Variants in ZSCAN25 observed in about 807,000 individuals in gnomAD.
ZSCAN25 encodes the protein zinc finger and SCAN domain-containing protein 25.
Under a neutral mutation model 38.7 loss-of-function variants are expected in ZSCAN25, and 27 were observed. The ratio of observed to expected loss-of-function variants is 0.70; its 90% CI spans 0.51 to 0.96. The LOEUF is 0.96. Among genes scored for constraint, ZSCAN25 ranks in the 40% least tolerant of loss-of-function variants. ZSCAN25 has a pLI of 0.00. For synonymous variants in ZSCAN25, 273 were observed against 277.7 expected (o/e 0.98, Z 0.17); for missense variants, 637 against 705.9 (o/e 0.90, Z 1.11).
At chr7:99,711,492 G>A in the ZSCAN25 span, among the ~76,000 whole-genome samples, 5 of 152,148 alleles carry the variant, frequency 3.3e-5, no homozygotes, top group Non-Finnish European at 7.4e-5. Context: ...GCAAAGGCTG[G>A]GCATGGTGGC....
the ZSCAN25 span, chr7:99,650,121 T>A: frequency 6.2e-7 from 1 of 1,614,180 alleles, no homozygotes; most frequent in South Asian, 1.1e-5. Context: ...GGACTCTGAT[T>A]AGAGCAAGTT....
chr7:99,707,750 T>A, the ZSCAN25 span: 1 of 1,600,992 alleles, frequency 6.2e-7, no homozygotes, highest in East Asian at 2.3e-5. Context: ...TTTTTAAATA[T>A]ATAGACCATT....
the ZSCAN25 span, chr7:99,676,473 C>T: frequency 8.5e-6 from 12 of 1,418,450 alleles, no homozygotes; most frequent in Non-Finnish European, 1.1e-5. Flanking sequence ...TGATAAATGT[C>T]CTCAAATGCT....
the ZSCAN25 span, among the ~76,000 whole-genome samples, chr7:99,642,365 A>T: frequency 4.6e-5 from 7 of 152,314 alleles, no homozygotes; most frequent in African/African-American, 1.7e-4. Flanking sequence ...AACCTCCACC[A>T]CATTGACAGG....
At chr7:99,622,463 A>C (rs1384040122) in intron 5 of ZSCAN25, 86 bp from the exon 6 acceptor site, 5 of 1,242,312 alleles carry the variant, frequency 4.0e-6, no homozygotes, top group African/African-American at 1.5e-5. Flanking sequence ...GGTTGTGAGC[A>C]TCTGGTAGGG....
rs140050111 is a variant in ZSCAN25 at position 99,619,985 on chromosome 7, G to A, written c.379G>A (p.Ala127Thr). The A allele has an allele frequency of 3.1e-6, 5 of 1,611,982 alleles. No individual in the cohort carries two copies. The African/African-American group carries it at 4.0e-5, about 13-fold the overall frequency. The change falls in exon 4 of 8, where the codon GCC becomes ACC. Residue 127 changes from alanine to threonine, a missense_variant. Physicochemically the swap from Ala to Thr is moderately conservative, Grantham distance 58. Coordinates refer to ENST00000394152, the MANE Select transcript of ZSCAN25 (RefSeq NM_145115.3). ...VEDLTERALEAKAVPCHRQGE... is the reference protein window; with the variant it reads ...VEDLTERALETKAVPCHRQGE... ...GGACCTGACAGAAAGAGCACTGGAG[G>A]CCAAGGCGGTGGGTGAGGAGGGGAT...
the ZSCAN25 span, among the ~76,000 whole-genome samples, chr7:99,664,728 A>G: frequency 1.4e-4 from 22 of 152,202 alleles, no homozygotes; most frequent in African/African-American, 5.3e-4. Context: ...AAAGAAGAAA[A>G]TATCTCAAAT....
chr7:99,677,845 T>A, the ZSCAN25 span, among the ~76,000 whole-genome samples: 5 of 152,288 alleles, frequency 3.3e-5, no homozygotes, highest in African/African-American at 9.6e-5. Context: ...TTACCTGACC[T>A]CTCAGGTGAG....
the ZSCAN25 span, among the ~76,000 whole-genome samples, chr7:99,695,252 A>G: frequency 2.6e-5 from 4 of 152,312 alleles, no homozygotes; most frequent in East Asian, 1.9e-4. Context: ...GAATGACCCA[A>G]TGGTAAATAC....
the ZSCAN25 span, chr7:99,685,154 C>T: frequency 3.6e-5 from 57 of 1,604,606 alleles, no homozygotes; most frequent in Admixed American, 3.3e-4. Flanking sequence ...GTTCCACTTA[C>T]GGTCCCATCC....
chr7:99,631,798 G>A lies in ZSCAN25; in HGVS notation c.*1778G>A. 5.1e-6 allele frequency: 5 copies of A among 985,394 alleles called. No individual in the cohort carries two copies. The highest frequency in any genetic ancestry group is 6.0e-6 in the Non-Finnish European group (5 of 829,932). 61.0% of individuals were successfully genotyped at this position (985,394 alleles called of 1,614,324 possible). On this transcript the variant is annotated 3_prime_UTR_variant, in exon 8 of 8. Transcript: ENST00000394152. ...TTCCTGGCTCATTAGCTGTGCCCACGAGGCTGCACTGACTGGGTCGTAAAT... is the reference window on the plus strand; with the variant it reads ...TTCCTGGCTCATTAGCTGTGCCCACAAGGCTGCACTGACTGGGTCGTAAAT...
the ZSCAN25 span, among the ~76,000 whole-genome samples, chr7:99,662,082 CAGAT>C: frequency 4.6e-5 from 7 of 152,136 alleles, no homozygotes; most frequent in Non-Finnish European, 7.3e-5. The surrounding 1 kb of genome is among the most constrained non-coding windows in gnomAD (Gnocchi z 4.3). Context: ...AGATGATTGA[CAGAT>C]AGATAGACAG....
rs912669813 is a variant in ZSCAN25 at position 99,630,671 on chromosome 7, C to G, written c.*651C>G. The G allele has an allele frequency of 1.0e-6, 1 of 985,464 alleles. No individual in the cohort carries two copies. Among genetic ancestry groups the G allele is most frequent in the Non-Finnish European group, 1.2e-6 (1 of 830,060 alleles). 61.0% of individuals were successfully genotyped at this position (985,464 alleles called of 1,614,324 possible). A position where few individuals can be genotyped will look rare whatever the true frequency, so the allele number is the denominator to read the frequency against. On this transcript the variant is annotated 3_prime_UTR_variant, in exon 8 of 8. Coordinates refer to ENST00000394152, the MANE Select transcript of ZSCAN25 (RefSeq NM_145115.3). ...TTCCCTCCCCAGCTGGGATCTGCTC[C>G]CAGGCAACTGTGTGAATTTTACATT...
At chr7:99,644,504 G>T in the ZSCAN25 span, among the ~76,000 whole-genome samples, 1 of 152,144 alleles carries the variant, frequency 6.6e-6, no homozygotes, top group East Asian at 1.9e-4. Flanking sequence ...CTAAAAGCAT[G>T]GTGTCTTTGG....
chr7:99,716,143 C>A, the ZSCAN25 span, among the ~76,000 whole-genome samples: 1 of 152,192 alleles, frequency 6.6e-6, no homozygotes, highest in Non-Finnish European at 1.5e-5. Flanking sequence ...AGACTTACCT[C>A]TGAGGTCAAG....
At chr7:99,645,441 T>C in the ZSCAN25 span, among the ~76,000 whole-genome samples, 1 of 152,228 alleles carries the variant, frequency 6.6e-6, no homozygotes. Context: ...CATGTGTCTT[T>C]ATGATTTATA....
At chr7:99,724,170 T>G in the ZSCAN25 span, among the ~76,000 whole-genome samples, 1 of 152,074 alleles carries the variant, frequency 6.6e-6, no homozygotes, top group Non-Finnish European at 1.5e-5. Context: ...CAGCCTCCAC[T>G]CCCTCTTCTT....
chr7:99,649,514 A>G, the ZSCAN25 span, among the ~76,000 whole-genome samples: 83 of 152,296 alleles, frequency 5.4e-4, no homozygotes, highest in Middle Eastern at 3.4e-3. Flanking sequence ...TCCACCAGAA[A>G]TGCCTGAAAT....
the ZSCAN25 span, chr7:99,715,727 G>C: frequency 6.2e-7 from 1 of 1,613,272 alleles, no homozygotes; most frequent in Non-Finnish European, 8.5e-7. Context: ...TTAAGAGAGA[G>C]GGAGAGAAAA....
Sources: allele counts gnomAD v4.1 joint callset (sites outside exome capture counted in the v4.1 genomes callset), GRCh38; gene constraint gnomAD v4.1.1; non-coding constraint Gnocchi (gnomAD v3.1); transcripts MANE v1.5; gene names NCBI Gene and HGNC (gene_info 2026-07-23, HGNC 2026-07-21).